PCDH9: variants seen among roughly 807,000 people sequenced by gnomAD.
PCDH9 encodes the protein protocadherin-9.
A neutral mutation model predicts 70.6 loss-of-function variants in PCDH9; 24 were observed. The ratio of observed to expected loss-of-function variants is 0.34; its 90% CI spans 0.25 to 0.48. The LOEUF (loss-of-function observed/expected upper bound fraction) is 0.48, where lower values mean the gene tolerates loss of function less well. PCDH9 is among the 20% of genes least tolerant of loss of function. PCDH9 has a pLI of 0.99. For synonymous variants in PCDH9, 562 were observed against 558.5 expected (o/e 1.01, Z -0.09); for missense variants, 1,281 against 1,503.6 (o/e 0.85, Z 2.45).
intron 3 of PCDH9, among the ~76,000 whole-genome samples, chr13:66,784,198 A>G (rs929024697): frequency 3.3e-5 from 5 of 152,140 alleles, no homozygotes; most frequent in African/African-American, 9.7e-5. Flanking sequence ...ACCAGATGTA[A>G]AAGACTACAC....
chr13:66,560,678 A>AT (rs1377382199), intron 4 of PCDH9, among the ~76,000 whole-genome samples: 1 of 152,208 alleles, frequency 6.6e-6, no homozygotes, highest in Non-Finnish European at 1.5e-5. Context: ...TGGCTTCAAA[A>AT]TACTCTTGGA....
intron 2 of PCDH9, among the ~76,000 whole-genome samples, chr13:67,101,418 T>C (rs1198072080): frequency 2.0e-5 from 3 of 152,228 alleles, no homozygotes; most frequent in South Asian, 2.1e-4. Flanking sequence ...GGGTGATTAA[T>C]AGGAATTTTA....
At chr13:66,866,614 T>C (rs1446177587) in intron 3 of PCDH9, among the ~76,000 whole-genome samples, 1 of 151,708 alleles carries the variant, frequency 6.6e-6, no homozygotes, top group South Asian at 2.1e-4. Context: ...CTGGCCACTA[T>C]GGCGAAACCC....
intron 4 of PCDH9, among the ~76,000 whole-genome samples, chr13:66,586,486 G>C (rs995164195): frequency 6.6e-6 from 1 of 152,042 alleles, no homozygotes; most frequent in African/African-American, 2.4e-5. Context: ...GGGCTCAGCT[G>C]TTATGGCTAG....
At chr13:67,192,409 T>C (rs897917076) in intron 2 of PCDH9, among the ~76,000 whole-genome samples, 4 of 152,184 alleles carry the variant, frequency 2.6e-5, no homozygotes, top group African/African-American at 4.8e-5. Flanking sequence ...TCTCTGACGA[T>C]CCCAGTCAGA....
At chr13:66,800,314 AAGTCT>A (rs1306853707) in intron 3 of PCDH9, among the ~76,000 whole-genome samples, 4 of 152,020 alleles carry the variant, frequency 2.6e-5, no homozygotes, top group African/African-American at 9.7e-5. Context: ...CATTTCATCC[AAGTCT>A]TTGTTCAACT....
chr13:67,040,396 G>A (rs993608321), intron 2 of PCDH9, among the ~76,000 whole-genome samples: 5 of 152,154 alleles, frequency 3.3e-5, no homozygotes, highest in African/African-American at 1.2e-4. Context: ...GACTGTGTGA[G>A]CCCAGGAGTT....
intron 4 of PCDH9, among the ~76,000 whole-genome samples, chr13:66,604,034 A>G (rs2077193418): frequency 6.6e-6 from 1 of 151,976 alleles, no homozygotes; most frequent in Non-Finnish European, 1.5e-5. Context: ...ACAAGTAAAT[A>G]TGCTTTTTAT....
chr13:66,310,284 ATCT>A (rs969634590), intron 4 of PCDH9, among the ~76,000 whole-genome samples: 4 of 152,046 alleles, frequency 2.6e-5, no homozygotes, highest in African/African-American at 9.6e-5. Context: ...CACACAACTC[ATCT>A]TCTCGTTAAA....
chr13:66,479,655 T>A (rs190533451), intron 4 of PCDH9, among the ~76,000 whole-genome samples: 2 of 151,596 alleles, frequency 1.3e-5, no homozygotes, highest in Admixed American at 1.3e-4. Flanking sequence ...AATGCACCAA[T>A]CAGCAATCTG....
At chr13:66,867,050 G>A (rs1166621886) in intron 3 of PCDH9, among the ~76,000 whole-genome samples, 23 of 145,746 alleles carry the variant, frequency 1.6e-4, no homozygotes, top group African/African-American at 5.8e-4. Context: ...ACAATTAATA[G>A]CGCTGAGGGC....
chr13:66,580,920 G>A (rs1253415410), intron 4 of PCDH9, among the ~76,000 whole-genome samples: 2 of 152,076 alleles, frequency 1.3e-5, no homozygotes, highest in Non-Finnish European at 2.9e-5. Context: ...ACAGAGGTGG[G>A]TGTCTTCTTA....
At chr13:66,587,461 C>G (rs2076978522) in intron 4 of PCDH9, among the ~76,000 whole-genome samples, 1 of 152,102 alleles carries the variant, frequency 6.6e-6, no homozygotes, top group South Asian at 2.1e-4. Flanking sequence ...TAAGGAAAAT[C>G]TGAAGGCAAT....
intron 2 of PCDH9, among the ~76,000 whole-genome samples, chr13:67,182,807 A>G (rs1187025378): frequency 1.3e-5 from 2 of 152,128 alleles, no homozygotes; most frequent in Non-Finnish European, 2.9e-5. Flanking sequence ...CTTCCTTTAC[A>G]TGCCACTCTG....
chr13:66,903,336 G>T (rs1482415317), intron 3 of PCDH9, among the ~76,000 whole-genome samples, 168 bp downstream of exon 3: 1 of 151,516 alleles, frequency 6.6e-6, no homozygotes, highest in African/African-American at 2.4e-5. Flanking sequence ...CTGGATTTTT[G>T]TTCTAAAATT....
rs1269887462 is a variant in PCDH9, at chr13:66,559,829, T to TACACAC, written c.3340+71380_3340+71381insGTGTGT. The stretch of plus-strand genomic sequence containing the variant: ...AAAAAAAAAAAAAAATATATATATA[T>TACACAC]ATATACACACACACACACACACACA... On this transcript the variant is annotated intron_variant, in intron 4 of 4. Transcript: ENST00000377865. Among the ~76,000 whole-genome samples the TACACAC allele has an allele frequency of 1.1e-3, 137 of 122,666 alleles. 5 individuals are homozygous for TACACAC. In the East Asian group the frequency reaches 0.032, roughly 29 times the overall value. The allele number at this position is 122,666 out of a possible 152,430, so 80.5% of individuals were successfully genotyped here.
At chr13:66,528,046 A>G (rs1960288939) in intron 4 of PCDH9, among the ~76,000 whole-genome samples, 1 of 152,176 alleles carries the variant, frequency 6.6e-6, no homozygotes, top group African/African-American at 2.4e-5. Flanking sequence ...GTTAGAAGGG[A>G]AACAAACTCA....
intron 3 of PCDH9, among the ~76,000 whole-genome samples, chr13:66,679,467 T>A (rs1368220095): frequency 6.6e-6 from 1 of 151,904 alleles, no homozygotes; most frequent in African/African-American, 2.4e-5. Context: ...ATCCAATAGC[T>A]TTTTGAACCT....
chr13:66,305,200 A>G (rs188166061), intron 4 of PCDH9, among the ~76,000 whole-genome samples, 172 bp from the exon 5 acceptor site: 19 of 152,190 alleles, frequency 1.2e-4, no homozygotes, highest in Admixed American at 1.2e-3. Flanking sequence ...CACAAAAGGC[A>G]TCAAATTTGT....
Sources: gnomAD v4.1 joint callset for allele counts (sites outside exome capture counted in the v4.1 genomes callset) on GRCh38, gnomAD v4.1.1 for gene constraint, MANE v1.5 for transcripts, NCBI Gene and HGNC (gene_info 2026-07-23, HGNC 2026-07-21) for gene names.